Variants in ADAMTS12 observed in about 807,000 individuals in gnomAD.
ADAMTS12 encodes A disintegrin and metalloproteinase with thrombospondin motifs 12.
Under a neutral mutation model 167.8 loss-of-function variants are expected in ADAMTS12, and 118 were observed. That is an observed-to-expected ratio of 0.70 (90% CI 0.61 to 0.82). The LOEUF (loss-of-function observed/expected upper bound fraction) is 0.82, where lower values mean the gene tolerates loss of function less well. Ranked by LOEUF, ADAMTS12 falls within the 40% of genes least tolerant of loss-of-function variation. The pLI, the probability that ADAMTS12 is intolerant of heterozygous loss-of-function variation, is 0.00. For synonymous variants in ADAMTS12, 704 were observed against 716.9 expected (o/e 0.98, Z 0.29); for missense variants, 1,916 against 1,998.8 (o/e 0.96, Z 0.79).
chr5:33,815,546 T>A (rs1747620596), intron 2 of ADAMTS12, among the ~76,000 whole-genome samples: 1 of 152,172 alleles, frequency 6.6e-6, no homozygotes, highest in Non-Finnish European at 1.5e-5. Flanking sequence ...GAAAGGAATA[T>A]CTGTTTTTTA....
At chr5:33,846,260 T>C (rs536558749) in intron 2 of ADAMTS12, among the ~76,000 whole-genome samples, 1 of 151,882 alleles carries the variant, frequency 6.6e-6, no homozygotes, top group South Asian at 2.1e-4. Flanking sequence ...GAAAACAGTG[T>C]CATGTACTGT....
At chr5:33,532,985 C>T (rs929401505) in intron 23 of ADAMTS12, among the ~76,000 whole-genome samples, 2 of 152,164 alleles carry the variant, frequency 1.3e-5, no homozygotes, top group Non-Finnish European at 2.9e-5. Context: ...TGTGAGTAGG[C>T]ATGGCTCTGC....
intron 5 of ADAMTS12, among the ~76,000 whole-genome samples, chr5:33,675,290 T>C (rs13158685): frequency 0.22 from 32,921 of 152,126 alleles, 3,798 homozygotes; most frequent in Non-Finnish European, 0.25. Flanking sequence ...ACGTTAAGGT[T>C]GGACCATCTA....
chr5:33,829,578 G>A (rs1385398709), intron 2 of ADAMTS12, among the ~76,000 whole-genome samples: 1 of 152,106 alleles, frequency 6.6e-6, no homozygotes, highest in East Asian at 1.9e-4. Flanking sequence ...CTGCATAGAA[G>A]GAGGATCTGA....
chr5:33,815,518 T>C (rs1459056859), intron 2 of ADAMTS12, among the ~76,000 whole-genome samples: 2 of 152,232 alleles, frequency 1.3e-5, no homozygotes, highest in Non-Finnish European at 2.9e-5. Context: ...CTCAGACTTC[T>C]AGCCTTCAGA....
chr5:33,550,465 G>A (rs1476454990), intron 20 of ADAMTS12, among the ~76,000 whole-genome samples: 1 of 152,188 alleles, frequency 6.6e-6, no homozygotes, highest in Non-Finnish European at 1.5e-5. Flanking sequence ...TGAGGTAGGT[G>A]GGATGGAGGC....
intron 16 of ADAMTS12, among the ~76,000 whole-genome samples, chr5:33,600,971 A>G (rs539686378): frequency 6.6e-6 from 1 of 152,104 alleles, no homozygotes; most frequent in East Asian, 1.9e-4. Context: ...CTAAATATTT[A>G]CCTTTTTTCT....
chr5:33,817,792 G>C (rs1316903125), intron 2 of ADAMTS12, among the ~76,000 whole-genome samples: 1 of 152,096 alleles, frequency 6.6e-6, no homozygotes, highest in Non-Finnish European at 1.5e-5. Context: ...TAGTCAGTCA[G>C]TATTCAGATG....
At chr5:33,774,970 T>C (rs1745866527) in intron 2 of ADAMTS12, among the ~76,000 whole-genome samples, 1 of 152,174 alleles carries the variant, frequency 6.6e-6, no homozygotes, top group African/African-American at 2.4e-5. Context: ...AAGGGATGAA[T>C]GCGGTAAAAA....
At chr5:33,845,091 T>A (rs781151288) in intron 2 of ADAMTS12, among the ~76,000 whole-genome samples, 1 of 152,238 alleles carries the variant, frequency 6.6e-6, no homozygotes, top group Non-Finnish European at 1.5e-5. Flanking sequence ...TGTATATTAG[T>A]ATATAGATAC....
intron 3 of ADAMTS12, among the ~76,000 whole-genome samples, chr5:33,697,222 C>T (rs889952724): frequency 6.6e-6 from 1 of 152,160 alleles, no homozygotes; most frequent in Admixed American, 6.5e-5. Flanking sequence ...AGATAAGGTA[C>T]AAATAATGCC....
intron 3 of ADAMTS12, among the ~76,000 whole-genome samples, chr5:33,706,193 T>C (rs1022207363): frequency 6.6e-6 from 1 of 152,080 alleles, no homozygotes. Flanking sequence ...CCCTTCCCCC[T>C]TCATCTCATG....
chr5:33,719,725 T>C (rs1743742631), intron 3 of ADAMTS12, among the ~76,000 whole-genome samples: 2 of 152,256 alleles, frequency 1.3e-5, no homozygotes, highest in South Asian at 4.1e-4. Context: ...TTTTACTTGC[T>C]GGAACTTAAG....
At chr5:33,855,070 T>C (rs980282571) in intron 2 of ADAMTS12, among the ~76,000 whole-genome samples, 5 of 152,218 alleles carry the variant, frequency 3.3e-5, no homozygotes, top group South Asian at 2.1e-4. Flanking sequence ...GCTCTGCCAG[T>C]AGATTTCATT....
At chr5:33,815,686 C>T (rs1747626326) in intron 2 of ADAMTS12, among the ~76,000 whole-genome samples, 1 of 152,184 alleles carries the variant, frequency 6.6e-6, no homozygotes, top group Admixed American at 6.5e-5. Context: ...AGGCAGATAT[C>T]CTGGGGTCCT....
At chr5:33,870,478 C>A (rs1233888775) in intron 2 of ADAMTS12, among the ~76,000 whole-genome samples, 2 of 152,158 alleles carry the variant, frequency 1.3e-5, no homozygotes, top group Non-Finnish European at 2.9e-5. Flanking sequence ...TTCAGCAGGT[C>A]CCTCTGTTTG....
intron 2 of ADAMTS12, among the ~76,000 whole-genome samples, chr5:33,757,642 T>C (rs932874684): frequency 6.6e-6 from 1 of 152,136 alleles, no homozygotes; most frequent in Non-Finnish European, 1.5e-5. Context: ...AATAATCCCT[T>C]TGTTGGAAAA....
chr5:33,878,498 T>A lies in ADAMTS12; in HGVS notation c.489+2621A>T, dbSNP rs143844700. The stretch of plus-strand genomic sequence containing the variant: ...TAGTACTCCTGCTCCTTGGGGACAT[T>A]TGAAATTGAAAGGGTCCTAGTATTC... On this transcript the variant is annotated intron_variant, in intron 2 of 23. Coordinates refer to ENST00000504830, the MANE Select transcript of ADAMTS12 (RefSeq NM_030955.4). Among the ~76,000 whole-genome samples, 697 of 152,298 alleles carry A rather than the reference T, an allele frequency of 4.6e-3. 7 individuals are homozygous for A. The highest frequency in any genetic ancestry group is 0.016 in the African/African-American group (677 of 41,548).
intron 2 of ADAMTS12, among the ~76,000 whole-genome samples, chr5:33,808,384 C>T (rs1298578973): frequency 2.6e-5 from 4 of 152,106 alleles, no homozygotes; most frequent in Admixed American, 6.5e-5. Flanking sequence ...ATCAGTATCT[C>T]TGTGGTGGAA....
Sources: allele counts gnomAD v4.1 joint callset (sites outside exome capture counted in the v4.1 genomes callset), GRCh38; gene constraint gnomAD v4.1.1; transcripts MANE v1.5; gene names NCBI Gene and HGNC (gene_info 2026-07-23, HGNC 2026-07-21).